The following EFL1 variants were observed in gnomAD, a reference collection of about 807,000 sequenced individuals.
The protein encoded by EFL1 is elongation factor-like GTPase 1.
A neutral mutation model predicts 126.7 loss-of-function variants in EFL1; 76 were observed. The ratio of observed to expected loss-of-function variants is 0.60; its 90% CI spans 0.50 to 0.73. The LOEUF (loss-of-function observed/expected upper bound fraction) is 0.73. Among genes scored for constraint, EFL1 ranks in the 30% least tolerant of loss-of-function variants. The probability of loss-of-function intolerance (pLI) is 0.00; values close to 1 mark genes in which losing one functional copy is unlikely to be tolerated. For synonymous variants in EFL1, 410 were observed against 448.4 expected (o/e 0.91, Z 1.08); for missense variants, 1,128 against 1,343.2 (o/e 0.84, Z 2.50).
intron 18 of EFL1, among the ~76,000 whole-genome samples, chr15:82,150,614 C>T (rs1406351310): frequency 6.6e-6 from 1 of 152,176 alleles, no homozygotes. Flanking sequence ...CAAAGAGCTA[C>T]TAAGTGCCAG....
chr15:82,152,304 A>G lies in EFL1; in HGVS notation c.2150T>C (p.Val717Ala), dbSNP rs780642790. ...TTGATCTTCTTTCATTTGGTGTATG[A>G]CTGCAACTTTTTGCTGTTTGCCTAT... ...EEIGKQQKVA[V>A]IHQMKEDQSK... is the part of the protein sequence containing the mutation. Residue 717 changes from valine (V) to alanine (A), a missense_variant, in exon 18 of 20, where the codon GTC becomes GCC. Around this residue, in one of 6 missense-constraint regions of EFL1, gnomAD observed 561 missense variants for 641.7 expected, o/e 0.87. Transcript: ENST00000268206. 2 of 1,614,052 alleles carry G rather than the reference A, an allele frequency of 1.2e-6. No individual in the cohort carries two copies. The highest frequency in any genetic ancestry group is 1.7e-6 in the Non-Finnish European group (2 of 1,180,006).
In EFL1 at chr15:82,152,311, C is replaced by T. The variant is rs1408754734; in HGVS notation, c.2143G>A (p.Val715Ile). Residue 715 changes from valine (V) to isoleucine (I), a missense_variant, in exon 18 of 20, where the codon GTT becomes ATT. Around this residue, in one of 6 missense-constraint regions of EFL1, gnomAD observed 561 missense variants for 641.7 expected, o/e 0.87. Transcript: ENST00000268206. ...VNEEIGKQQK[V>I]AVIHQMKEDQ... ...TCTTTCATTTGGTGTATGACTGCAA[C>T]TTTTTGCTGTTTGCCTATTTCTTCA... 6.2e-7 allele frequency: 1 copy of T among 1,614,070 alleles called. No homozygotes were observed. The highest frequency in any genetic ancestry group is 1.7e-5 in the Admixed American group (1 of 60,012).
intron 15 of EFL1, among the ~76,000 whole-genome samples, chr15:82,209,127 A>G (rs1443814569): frequency 6.6e-6 from 1 of 152,256 alleles, no homozygotes; most frequent in East Asian, 1.9e-4. Flanking sequence ...TGCTGATAAT[A>G]AAGTACATTT....
At chr15:82,251,847 A>G (rs568477477) in intron 4 of EFL1, among the ~76,000 whole-genome samples, 17 of 152,230 alleles carry the variant, frequency 1.1e-4, no homozygotes, top group Non-Finnish European at 2.2e-4. Context: ...AATTACAAAA[A>G]TATACATTTT....
rs564798125 is a variant in EFL1, at chr15:82,194,435, TA to T, written c.1750+20281del. 1.7e-4 allele frequency among the ~76,000 whole-genome samples: 26 copies of T among 152,318 alleles called. No individual in the cohort carries two copies. The South Asian group carries it at 5.4e-3, about 32-fold the overall frequency. Reference sequence around the variant, plus strand: ...AAAGGAGAACATTTCAGTACTGACTTACATTTAAAGAATGATCTGAAAAACA... The same window carrying T: ...AAAGGAGAACATTTCAGTACTGACTTCATTTAAAGAATGATCTGAAAAACA... On this transcript the variant is annotated intron_variant, in intron 15 of 19. Coordinates refer to ENST00000268206, the MANE Select transcript of EFL1 (RefSeq NM_024580.6).
intron 4 of EFL1, among the ~76,000 whole-genome samples, chr15:82,251,175 G>A (rs573533765): frequency 1.6e-4 from 25 of 152,272 alleles, no homozygotes; most frequent in African/African-American, 6.0e-4. Context: ...TCATGCCACT[G>A]CACTCCAGCC....
At chr15:82,258,590 C>A (rs1164421973) in intron 3 of EFL1, among the ~76,000 whole-genome samples, 3 of 152,186 alleles carry the variant, frequency 2.0e-5, no homozygotes, top group Non-Finnish European at 4.4e-5. Flanking sequence ...ATTTTCATCA[C>A]AATCCTCAGG....
intron 18 of EFL1, among the ~76,000 whole-genome samples, chr15:82,147,557 G>A (rs1292581360): frequency 2.8e-5 from 4 of 143,358 alleles, no homozygotes; most frequent in Non-Finnish European, 4.5e-5. Context: ...CAGGAGAATT[G>A]TTTGAACCTG....
chr15:82,147,278 T>C (rs2073857167), intron 18 of EFL1, among the ~76,000 whole-genome samples: 3 of 152,124 alleles, frequency 2.0e-5, no homozygotes, highest in South Asian at 4.1e-4. Flanking sequence ...GAAATACATG[T>C]TCCCATTATC....
chr15:82,195,366 T>C (rs1416188235), intron 15 of EFL1, among the ~76,000 whole-genome samples: 1 of 152,208 alleles, frequency 6.6e-6, no homozygotes, highest in Non-Finnish European at 1.5e-5. Context: ...TAAACCGTGC[T>C]AGTGTATCTC....
At chr15:82,188,514 A>C in intron 15 of EFL1, among the ~76,000 whole-genome samples, 1 of 152,316 alleles carries the variant, frequency 6.6e-6, no homozygotes, top group South Asian at 2.1e-4. Flanking sequence ...CTCTACCTGT[A>C]TCAAGAACAA....
In EFL1 at chr15:82,152,390, A is replaced by G. The variant is rs759257581; in HGVS notation, c.2064T>C (p.Pro688=). 1.2e-6 allele frequency: 2 copies of G among 1,612,494 alleles called. No individual in the cohort carries two copies. The highest frequency in any genetic ancestry group is 1.7e-6 in the Non-Finnish European group (2 of 1,179,908). Residue 688 remains proline (P), a synonymous_variant, in exon 18 of 20, where the codon CCT becomes CCC. Transcript: ENST00000268206. ...TGATTGTTTCTCTGAATGGAATAATAGGTTCAGATACACTGATATGAATCT... is the reference window on the plus strand; with the variant it reads ...TGATTGTTTCTCTGAATGGAATAATGGGTTCAGATACACTGATATGAATCT... The part of the protein sequence containing the change: ...FAKIHISVSE[P]IIPFRETITK...
At chr15:82,181,808 G>A (rs1007260490) in intron 15 of EFL1, among the ~76,000 whole-genome samples, 2 of 152,098 alleles carry the variant, frequency 1.3e-5, no homozygotes, top group African/African-American at 4.8e-5. Flanking sequence ...ACTGCTTCTA[G>A]TTTTACTTTC....
chr15:82,219,519 C>T, intron 14 of EFL1, 133 bp downstream of exon 14: 1 of 946,526 alleles, frequency 1.1e-6, no homozygotes, highest in East Asian at 2.7e-5. Context: ...CAAAAGGATA[C>T]ACAGTCACTC....
At chr15:82,184,878 T>C (rs780348230) in intron 15 of EFL1, among the ~76,000 whole-genome samples, 17 of 152,164 alleles carry the variant, frequency 1.1e-4, no homozygotes, top group Non-Finnish European at 2.1e-4. Context: ...CAAAGAAATG[T>C]AGAGTTTCAT....
At position 82,146,610 on chromosome 15, in the gene EFL1, G is replaced by GAA. The variant is rs11345305; in HGVS notation, c.2989+4853_2989+4854dup. ...GCAAGAGGACTTCAAATCAATTCGA[G>GAA]AAAAAAAAAAAAAAAAAGCCAGACT... On this transcript the variant is annotated intron_variant, in intron 18 of 19. Transcript: ENST00000268206. Among the ~76,000 whole-genome samples, 157 of 128,854 alleles carry GAA rather than the reference G, an allele frequency of 1.2e-3. 2 individuals are homozygous for GAA. The highest frequency in any genetic ancestry group is 4.0e-3 in the Middle Eastern group (1 of 250). 84.5% of individuals were successfully genotyped at this position (128,854 alleles called of 152,430 possible). A position where few individuals can be genotyped will look rare whatever the true frequency, so the allele number is the denominator to read the frequency against.
chr15:82,225,750 C>T (rs2074756634), intron 11 of EFL1, among the ~76,000 whole-genome samples: 1 of 152,136 alleles, frequency 6.6e-6, no homozygotes, highest in African/African-American at 2.4e-5. Flanking sequence ...ATGATATTAA[C>T]AAATTCTTAG....
At chr15:82,163,354 C>T (rs2074042955) in intron 16 of EFL1, among the ~76,000 whole-genome samples, 2 of 152,112 alleles carry the variant, frequency 1.3e-5, no homozygotes, top group Admixed American at 1.3e-4. Context: ...CCAGCCTGGC[C>T]AACTGGCGAA....
intron 2 of EFL1, among the ~76,000 whole-genome samples, chr15:82,260,859 T>C (rs1323535548): frequency 9.2e-5 from 14 of 152,208 alleles, no homozygotes; most frequent in Non-Finnish European, 2.9e-5. Context: ...TTCAGGATGG[T>C]AAATATGTTT....
Sources: gnomAD v4.1 joint callset for allele counts (sites outside exome capture counted in the v4.1 genomes callset) on GRCh38, gnomAD v4.1.1 for gene constraint, gnomAD v4.1.1 regional missense constraint, MANE v1.5 for transcripts, NCBI Gene and HGNC (gene_info 2026-07-23, HGNC 2026-07-21) for gene names.